Variants in SLC22A23 observed in about 807,000 individuals in gnomAD.
SLC22A23 encodes the protein solute carrier family 22 member 23, also known as ion transporter protein.
A neutral mutation model predicts 61.0 loss-of-function variants in SLC22A23; 26 were observed. The ratio of observed to expected loss-of-function variants is 0.43; its 90% CI spans 0.31 to 0.59. The LOEUF (loss-of-function observed/expected upper bound fraction) is 0.59. Ranked by LOEUF, SLC22A23 falls within the 20% of genes least tolerant of loss-of-function variation. The pLI, the probability that SLC22A23 is intolerant of heterozygous loss-of-function variation, is 0.11. For missense variants in SLC22A23, 796 were observed against 934.7 expected (o/e 0.85, Z 1.94); for synonymous variants, 430 against 413.9 (o/e 1.04, Z -0.47).
chr6:3,289,252 G>GGC (rs1439122749), intron 6 of SLC22A23, among the ~76,000 whole-genome samples: 1 of 152,242 alleles, frequency 6.6e-6, no homozygotes, highest in Non-Finnish European at 1.5e-5. Flanking sequence ...CAGCAGGCGG[G>GGC]GCGACCTGGG....
At chr6:3,370,133 T>C (rs748121564) in intron 3 of SLC22A23, among the ~76,000 whole-genome samples, 1 of 152,176 alleles carries the variant, frequency 6.6e-6, no homozygotes, top group African/African-American at 2.4e-5. Context: ...AATTCCTGGT[T>C]GGGAATTTTT....
chr6:3,324,551 C>CCT lies in SLC22A23; in HGVS notation c.914-550_914-549insAG, dbSNP rs2127400898. On this transcript the variant is annotated intron_variant, in intron 3 of 9. Coordinates refer to ENST00000406686, the MANE Select transcript of SLC22A23 (RefSeq NM_015482.2). This position sits in a 1 kb window ranked among gnomAD's most constrained non-coding sequence, Gnocchi z 4.3. ...CTCCGAGTTCCAGGCAACCTACTCA[C>CCT]ACTGTGAGACAGAGGGAGACTGAGC... Among the ~76,000 whole-genome samples, 2 of 152,288 alleles carry CCT rather than the reference C, an allele frequency of 1.3e-5. No homozygotes were observed. The highest frequency in any genetic ancestry group is 4.1e-4 in the South Asian group (2 of 4,830).
At position 3,329,108 on chromosome 6, in the gene SLC22A23, C is replaced by A; in HGVS notation, c.914-5106G>T. ...TTGGCCCCAGCTCCAGCGGCTAAGG[C>A]ATCTGCCCACCAGAAATACCAGGGG... On this transcript the variant is annotated intron_variant, in intron 3 of 9. Transcript: ENST00000406686. This position sits in a 1 kb window ranked among gnomAD's most constrained non-coding sequence, Gnocchi z 4.8. Among the ~76,000 whole-genome samples the A allele has an allele frequency of 6.6e-6, 1 of 152,344 alleles. No individual in the cohort carries two copies. Among genetic ancestry groups the A allele is most frequent in the Admixed American group, 6.5e-5 (1 of 15,306 alleles).
chr6:3,420,726 T>G (rs999724404), intron 1 of SLC22A23, among the ~76,000 whole-genome samples: 3 of 152,220 alleles, frequency 2.0e-5, no homozygotes, highest in Non-Finnish European at 2.9e-5. Flanking sequence ...ACACCAATAC[T>G]GCAACCAGAA....
chr6:3,432,471 G>GGAC, intron 1 of SLC22A23: 1 of 857,492 alleles, frequency 1.2e-6, no homozygotes, highest in Non-Finnish European at 1.4e-6. Context: ...GGCAGAGGGA[G>GGAC]GACTTCCAGG....
chr6:3,288,212 C>T (rs1365076709), intron 6 of SLC22A23, among the ~76,000 whole-genome samples: 2 of 152,150 alleles, frequency 1.3e-5, no homozygotes, highest in Non-Finnish European at 1.5e-5. Flanking sequence ...CGTGGTGCCT[C>T]GAGGGACCCT....
At chr6:3,368,578 G>A (rs1482295594) in intron 3 of SLC22A23, among the ~76,000 whole-genome samples, 1 of 152,196 alleles carries the variant, frequency 6.6e-6, no homozygotes, top group African/African-American at 2.4e-5. Flanking sequence ...GTGGGTCAGA[G>A]TGATGAAAAA....
chr6:3,419,068 C>G (rs1461531641), intron 1 of SLC22A23, among the ~76,000 whole-genome samples: 1 of 152,134 alleles, frequency 6.6e-6, no homozygotes, highest in African/African-American at 2.4e-5. Context: ...ATGTCACTGA[C>G]CAGTTGGGTA....
At chr6:3,389,193 G>T (rs553227304) in intron 3 of SLC22A23, among the ~76,000 whole-genome samples, 4 of 149,720 alleles carry the variant, frequency 2.7e-5, no homozygotes, top group Admixed American at 1.3e-4. Flanking sequence ...ACTGCAACCC[G>T]GGAGGTGGAG....
In SLC22A23 at chr6:3,444,974, G is replaced by A. The variant is rs1021860213; in HGVS notation, c.654+10932C>T. On this transcript the variant is annotated intron_variant, in intron 1 of 9. Coordinates refer to ENST00000406686, the MANE Select transcript of SLC22A23 (RefSeq NM_015482.2). Reference sequence around the variant, plus strand: ...GGTCGTCCTCACCCCACCAAGGGGAGGAAGGAAGGCACCTGAGGCTTCCAG... The same window carrying A: ...GGTCGTCCTCACCCCACCAAGGGGAAGAAGGAAGGCACCTGAGGCTTCCAG... 20 of 985,414 alleles carry A rather than the reference G, an allele frequency of 2.0e-5. No individual in the cohort carries two copies. In the African/African-American group the frequency reaches 2.1e-4, roughly 10 times the overall value. The allele number at this position is 985,414 out of a possible 1,614,324, so 61.0% of individuals were successfully genotyped here.
chr6:3,446,811 G>A (rs1230106613), intron 1 of SLC22A23, among the ~76,000 whole-genome samples: 1 of 152,144 alleles, frequency 6.6e-6, no homozygotes. Context: ...TTGGGCCCAG[G>A]CCCTCGTCTC....
chr6:3,415,970 C>A (rs2127522955), intron 1 of SLC22A23, 115 bp from the exon 2 acceptor site: 4 of 680,500 alleles, frequency 5.9e-6, no homozygotes, highest in Non-Finnish European at 1.0e-5. Flanking sequence ...TTGCCAGTAC[C>A]ATGCCATATA....
At chr6:3,290,216 T>C (rs1760452842) in intron 5 of SLC22A23, 2 of 351,378 alleles carry the variant, frequency 5.7e-6, no homozygotes, top group Non-Finnish European at 1.1e-5. Context: ...AGCGATGATA[T>C]TCTAGGTTAC....
rs373303824 is a variant in SLC22A23 at position 3,347,246 on chromosome 6, C to T, written c.914-23244G>A. ...AGCAGCTTCCTATTTTGTACGGTTG[C>T]GTTGTCTTACACGCACATGCATCTG... On this transcript the variant is annotated intron_variant, in intron 3 of 9. Transcript: ENST00000406686. Among the ~76,000 whole-genome samples, 66 of 150,632 alleles carry T rather than the reference C, an allele frequency of 4.4e-4. 3 individuals are homozygous for T. The East Asian group carries it at 6.7e-3, about 15-fold the overall frequency.
rs190928299 is a variant in SLC22A23, at chr6:3,308,236, C to T, written c.1083-10018G>A. 2.8e-5 allele frequency among the ~76,000 whole-genome samples: 4 copies of T among 144,120 alleles called. No individual in the cohort carries two copies. Among genetic ancestry groups the T allele is most frequent in the Admixed American group, 2.7e-4 (4 of 15,014 alleles). The allele number at this position is 144,120 out of a possible 152,430, so 94.5% of individuals were successfully genotyped here. A position where few individuals can be genotyped will look rare whatever the true frequency, so the allele number is the denominator to read the frequency against. On this transcript the variant is annotated intron_variant, in intron 4 of 9. Transcript: ENST00000406686. This position sits in a 1 kb window ranked among gnomAD's most constrained non-coding sequence, Gnocchi z 5.1. ...GAAAATATTACAGAGAAGACGAAAGCCCCCCCATACCGCTCACCCCAATCC... is the reference window on the plus strand; with the variant it reads ...GAAAATATTACAGAGAAGACGAAAGTCCCCCCATACCGCTCACCCCAATCC...
intron 3 of SLC22A23, among the ~76,000 whole-genome samples, chr6:3,379,821 A>G (rs1412318654): frequency 6.6e-6 from 1 of 152,266 alleles, no homozygotes; most frequent in Non-Finnish European, 1.5e-5. Flanking sequence ...AGCTGCCCTC[A>G]GCTCCCAGCA....
Position 3,318,115 on chromosome 6 carries a change from G to A in SLC22A23, c.1082+5719C>T, listed in dbSNP as rs936321661. 9.9e-5 allele frequency among the ~76,000 whole-genome samples: 15 copies of A among 152,106 alleles called. No homozygotes were observed. The highest frequency in any genetic ancestry group is 3.4e-4 in the African/African-American group (14 of 41,408). On this transcript the variant is annotated intron_variant, in intron 4 of 9. Coordinates refer to ENST00000406686, the MANE Select transcript of SLC22A23 (RefSeq NM_015482.2). The surrounding 1 kb of genome is among the most constrained non-coding windows in gnomAD (Gnocchi z 4.3). ...CTGCTGCCACCTTTTCCTGGCCAGC[G>A]TCTCCACCCTGGGGGTCACTTCATT...
intron 9 of SLC22A23, chr6:3,283,434 G>A: frequency 3.8e-6 from 1 of 265,560 alleles, no homozygotes; most frequent in South Asian, 4.0e-5. Context: ...CTCCATCTCG[G>A]GGAGGGCCGG....
At chr6:3,298,270 C>G in intron 4 of SLC22A23, 52 bp from the exon 5 acceptor site, 1 of 1,552,280 alleles carries the variant, frequency 6.4e-7, no homozygotes, top group Non-Finnish European at 8.6e-7. Context: ...TGCACGGCAC[C>G]GGGAAGTGTG....
Sources: gnomAD v4.1 joint callset for allele counts (sites outside exome capture counted in the v4.1 genomes callset) on GRCh38, gnomAD v4.1.1 for gene constraint, Gnocchi (gnomAD v3.1) non-coding constraint, MANE v1.5 for transcripts, NCBI Gene and HGNC (gene_info 2026-07-23, HGNC 2026-07-21) for gene names.